SLC17A8: variants seen among roughly 807,000 people sequenced by gnomAD.
SLC17A8 encodes vesicular glutamate transporter 3.
Under a neutral mutation model 58.0 loss-of-function variants are expected in SLC17A8, and 31 were observed. The ratio of observed to expected loss-of-function variants is 0.53; its 90% confidence interval spans 0.40 to 0.72. The LOEUF (loss-of-function observed/expected upper bound fraction) is 0.72. Ranked by LOEUF, SLC17A8 falls within the 30% of genes least tolerant of loss-of-function variation. The pLI, the probability that SLC17A8 is intolerant of heterozygous loss-of-function variation, is 0.00. For missense variants in SLC17A8, 655 were observed against 727.8 expected, an observed-to-expected ratio of 0.90 and a Z score of 1.15; for synonymous variants, 228 against 249.0, an observed-to-expected ratio of 0.92 and a Z score of 0.79.
At chr12:100,382,690 G>A (rs1440425425) in intron 2 of SLC17A8, among the ~76,000 whole-genome samples, 5 of 152,182 alleles carry the variant, frequency 3.3e-5, no homozygotes, top group Non-Finnish European at 5.9e-5. Context: ...CCCATACTGT[G>A]CTGTGTCTTA....
intron 5 of SLC17A8, among the ~76,000 whole-genome samples, chr12:100,398,099 T>A (rs1952765718): frequency 6.6e-6 from 1 of 152,214 alleles, no homozygotes. Flanking sequence ...TATTTCTGCA[T>A]ATGTTTTAAT....
At chr12:100,387,388 T>C (rs1952683498) in intron 2 of SLC17A8, among the ~76,000 whole-genome samples, 1 of 152,218 alleles carries the variant, frequency 6.6e-6, no homozygotes, top group Non-Finnish European at 1.5e-5. Context: ...ATTGGCCATT[T>C]ATTGGTCTTC....
chr12:100,399,595 G>C (rs1952777389), intron 5 of SLC17A8, among the ~76,000 whole-genome samples: 2 of 152,080 alleles, frequency 1.3e-5, no homozygotes, highest in Non-Finnish European at 1.5e-5. Flanking sequence ...AGAAGAGAGA[G>C]AGAGAGAGTG....
chr12:100,416,183 C>G (rs1952905477), intron 10 of SLC17A8, among the ~76,000 whole-genome samples: 1 of 152,194 alleles, frequency 6.6e-6, no homozygotes, highest in Admixed American at 6.5e-5. Context: ...TTTCCCCCCT[C>G]CCCAAATGTC....
chr12:100,390,315 G>A (rs755343497), intron 2 of SLC17A8, among the ~76,000 whole-genome samples: 3 of 151,132 alleles, frequency 2.0e-5, no homozygotes, highest in Non-Finnish European at 4.4e-5. Flanking sequence ...ATTACAAGGT[G>A]AAATCTATGA....
At chr12:100,397,440 T>C (rs559505298) in intron 5 of SLC17A8, among the ~76,000 whole-genome samples, 4 of 152,254 alleles carry the variant, frequency 2.6e-5, no homozygotes, top group African/African-American at 9.6e-5. Flanking sequence ...AGTAAATGAG[T>C]AGCCCCCAAG....
At chr12:100,390,456 C>T (rs1173550476) in intron 2 of SLC17A8, among the ~76,000 whole-genome samples, 1 of 151,802 alleles carries the variant, frequency 6.6e-6, no homozygotes, top group Non-Finnish European at 1.5e-5. Flanking sequence ...ATGCCATTCT[C>T]CTGCCTCAGC....
At chr12:100,373,577 CTTTTTTTT>C (rs11296057) in intron 1 of SLC17A8, among the ~76,000 whole-genome samples, 5 of 87,632 alleles carry the variant, frequency 5.7e-5, no homozygotes, top group Admixed American at 1.4e-4. Context: ...AAATCAGTGA[CTTTTTTTT>C]TTTTTTTTTT....
intron 5 of SLC17A8, among the ~76,000 whole-genome samples, chr12:100,400,911 G>A (rs61941787): frequency 6.7e-6 from 1 of 150,354 alleles, no homozygotes; most frequent in Non-Finnish European, 1.5e-5. Flanking sequence ...TACAAAGTAA[G>A]AAATACATGT....
At chr12:100,395,270 T>G (rs1456591162) in intron 4 of SLC17A8, among the ~76,000 whole-genome samples, 1 of 152,200 alleles carries the variant, frequency 6.6e-6, no homozygotes, top group Non-Finnish European at 1.5e-5. Flanking sequence ...GTGTCTGTTT[T>G]AGTCCATTTG....
intron 8 of SLC17A8, 49 bp from the exon 9 acceptor site, chr12:100,403,989 C>T (rs754065503): frequency 1.9e-6 from 3 of 1,612,024 alleles, no homozygotes; most frequent in South Asian, 1.1e-5. Flanking sequence ...TAGGGAGGCC[C>T]CTCTCTCAGA....
intron 1 of SLC17A8, among the ~76,000 whole-genome samples, chr12:100,380,018 G>A (rs1176758003): frequency 2.0e-5 from 3 of 151,988 alleles, no homozygotes; most frequent in Non-Finnish European, 4.4e-5. Flanking sequence ...GACCAACATG[G>A]AGAAACCCCG....
At chr12:100,401,623 C>T (rs2136004974) in intron 5 of SLC17A8, among the ~76,000 whole-genome samples, 154 bp from the exon 6 acceptor site, 1 of 152,146 alleles carries the variant, frequency 6.6e-6, no homozygotes, top group East Asian at 1.9e-4. Context: ...AAGCCCTGTT[C>T]TGTGGCACAC....
At chr12:100,402,260 T>A in intron 6 of SLC17A8, 80 bp from the exon 7 acceptor site, 1 of 1,544,170 alleles carries the variant, frequency 6.5e-7, no homozygotes, top group Non-Finnish European at 8.9e-7. Flanking sequence ...CTGAAAAAAA[T>A]ATATATGGTA....
rs1444396323 is a variant in SLC17A8 at position 100,357,376 on chromosome 12, G to A, written c.-16G>A. The A allele has an allele frequency of 1.2e-5, 16 of 1,385,376 alleles. No homozygotes were observed. The highest frequency in any genetic ancestry group is 1.7e-5 in the Admixed American group (1 of 59,738). 85.8% of individuals were successfully genotyped at this position (1,385,376 alleles called of 1,614,324 possible). On this transcript the variant is annotated 5_prime_UTR_variant, in exon 1 of 12. It adds an upstream start codon to the 5' untranslated region. Coordinates refer to ENST00000323346, the MANE Select transcript of SLC17A8 (RefSeq NM_139319.3). ...GAGACTGACTGTTAACGGCTCAGAG[G>A]TGCCCCTCATTCAAAATGCCTTTTA...
chr12:100,418,948 G>C (rs947964631), intron 11 of SLC17A8, among the ~76,000 whole-genome samples: 2 of 152,192 alleles, frequency 1.3e-5, no homozygotes. Context: ...GAAATGATAG[G>C]ATTGATAACC....
chr12:100,405,971 C>T (rs1952823614), intron 9 of SLC17A8, among the ~76,000 whole-genome samples: 1 of 152,156 alleles, frequency 6.6e-6, no homozygotes. Context: ...ATAGTGAGAA[C>T]TTTTCTCTAT....
chr12:100,358,765 C>A lies in SLC17A8; in HGVS notation c.101+1273C>A, dbSNP rs138838280. Among the ~76,000 whole-genome samples the A allele has an allele frequency of 4.0e-3, 603 of 152,210 alleles. 3 individuals carry two copies. The highest frequency in any genetic ancestry group is 0.013 in the African/African-American group (557 of 41,528). On this transcript the variant is annotated intron_variant, in intron 1 of 11. Coordinates refer to ENST00000323346, the MANE Select transcript of SLC17A8 (RefSeq NM_139319.3). ...GTGTTGGCGTTCATTTGATTAGAAA[C>A]GCAAAAATAATTTTTGCATAATAAG...
chr12:100,415,433 CAAAAA>C lies in SLC17A8; in HGVS notation c.1297+2566_1297+2570del, dbSNP rs71303557. On this transcript the variant is annotated intron_variant, in intron 10 of 11. Coordinates refer to ENST00000323346, the MANE Select transcript of SLC17A8 (RefSeq NM_139319.3). ...TGGGTGACAAAGAGAGATTCTGTCT[CAAAAA>C]AAAAAAAAAAAATAGACAGGGTCTC... Among the ~76,000 whole-genome samples, 140 of 130,668 alleles carry C rather than the reference CAAAAA, an allele frequency of 1.1e-3. 2 individuals carry two copies. The highest frequency in any genetic ancestry group is 7.7e-3 in the East Asian group (34 of 4,430). 85.7% of individuals were successfully genotyped at this position (130,668 alleles called of 152,430 possible).
Sources: gnomAD v4.1 joint callset for allele counts (sites outside exome capture counted in the v4.1 genomes callset) on GRCh38, gnomAD v4.1.1 for gene constraint, MANE v1.5 for transcripts, NCBI Gene and HGNC (gene_info 2026-07-23, HGNC 2026-07-21) for gene names.